FAM13A: variants seen among roughly 807,000 people sequenced by gnomAD.
The protein encoded by FAM13A is family with sequence similarity 13 member A.
FAM13A carries 76 observed loss-of-function variants against 129.6 expected under a neutral mutation model. That is an observed-to-expected ratio of 0.59 (90% CI 0.49 to 0.71). FAM13A has a LOEUF of 0.71. FAM13A is among the 30% of genes least tolerant of loss of function. The pLI is 0.00. For missense variants in FAM13A, 1,108 were observed against 1,249.3 expected, an observed-to-expected ratio of 0.89 and a Z score of 1.70; for synonymous variants, 443 against 449.9, an observed-to-expected ratio of 0.98 and a Z score of 0.20.
intron 6 of FAM13A, among the ~76,000 whole-genome samples, chr4:88,889,426 C>T (rs1176972379): frequency 1.3e-5 from 2 of 152,148 alleles, no homozygotes; most frequent in Non-Finnish European, 2.9e-5. Context: ...GTTGTAATGA[C>T]TGCTTGGTTC....
chr4:88,727,739 T>C lies in FAM13A; in HGVS notation c.*794A>G, dbSNP rs1736721782. 6.6e-6 allele frequency: 1 copy of C among 152,218 alleles called. No individual in the cohort carries two copies. Among genetic ancestry groups the C allele is most frequent in the Non-Finnish European group, 1.5e-5 (1 of 68,072 alleles). The allele number at this position is 152,218 out of a possible 1,614,324, so 9.4% of individuals were successfully genotyped here. A position where few individuals can be genotyped will look rare whatever the true frequency, so the allele number is the denominator to read the frequency against. ...GATAAAATCAGACTGGTAAGTGCAGTCAGTGTTCAGGAAAGAATCTCCAGG... is the reference window on the plus strand; with the variant it reads ...GATAAAATCAGACTGGTAAGTGCAGCCAGTGTTCAGGAAAGAATCTCCAGG... On this transcript the variant is annotated 3_prime_UTR_variant, in exon 24 of 24. Transcript: ENST00000264344.
intron 8 of FAM13A, 103 bp from the exon 9 acceptor site, chr4:88,790,730 C>T: frequency 4.5e-6 from 4 of 887,020 alleles, no homozygotes; most frequent in Non-Finnish European, 7.3e-6. Flanking sequence ...TAGCTCAGTC[C>T]CAAGTGATCC....
At chr4:88,900,000 A>G (rs1179047185) in intron 6 of FAM13A, among the ~76,000 whole-genome samples, 1 of 152,134 alleles carries the variant, frequency 6.6e-6, no homozygotes, top group East Asian at 1.9e-4. Context: ...ACAAGTATCA[A>G]TGCAGAATAG....
At position 88,726,445 on chromosome 4, in the gene FAM13A, CCT is replaced by C. The variant is rs1452037576; in HGVS notation, c.*2086_*2087del. ...CCTGAATAAATCTTTAGTTAATTTA[CCT>C]TTGGCAGAAACAACAGATTCCAAAA... On this transcript the variant is annotated 3_prime_UTR_variant, in exon 24 of 24. Coordinates refer to ENST00000264344, the MANE Select transcript of FAM13A (RefSeq NM_014883.4). The C allele has an allele frequency of 6.6e-6, 1 of 152,420 alleles. No homozygotes were observed. Among genetic ancestry groups the C allele is most frequent in the Non-Finnish European group, 1.5e-5 (1 of 68,014 alleles). The allele number at this position is 152,420 out of a possible 1,614,324, so 9.4% of individuals were successfully genotyped here. A position where few individuals can be genotyped will look rare whatever the true frequency, so the allele number is the denominator to read the frequency against.
At chr4:88,805,684 T>A (rs1036202845) in intron 7 of FAM13A, among the ~76,000 whole-genome samples, 3 of 151,740 alleles carry the variant, frequency 2.0e-5, no homozygotes, top group Non-Finnish European at 4.4e-5. Context: ...TTTTTTTTTT[T>A]AAGAGACATG....
At chr4:88,784,361 AAC>A (rs1235110232) in intron 10 of FAM13A, among the ~76,000 whole-genome samples, 1 of 152,240 alleles carries the variant, frequency 6.6e-6, no homozygotes, top group Admixed American at 6.5e-5. Context: ...CTCTGTATAA[AAC>A]ACATGGTTGT....
rs150949228 is a variant in FAM13A at position 88,876,141 on chromosome 4, TGGGATG to T, written c.844-24964_844-24959del. 4.4e-3 allele frequency among the ~76,000 whole-genome samples: 670 copies of T among 152,116 alleles called. 4 individuals are homozygous for T. The highest frequency in any genetic ancestry group is 0.015 in the African/African-American group (636 of 41,494). On this transcript the variant is annotated intron_variant, in intron 6 of 23. Coordinates refer to ENST00000264344, the MANE Select transcript of FAM13A (RefSeq NM_014883.4). The stretch of plus-strand genomic sequence containing the variant: ...GAACATCCCACACCAGGGCCTGTCC[TGGGATG>T]GGGGGCTGGGGGAGGGATAGCATTA...
In FAM13A at chr4:88,961,347, C is replaced by CTTTTTTTTTTTTTTTTT. The variant is rs773764813; in HGVS notation, c.606-23123_606-23107dup. ...AAATCCTCAGCTTTGTGGAATTTGC[C>CTTTTTTTTTTTTTTTTT]TTTTTTTTTTTTTTTTTTTTTTTTT... On this transcript the variant is annotated intron_variant, in intron 4 of 23. Transcript: ENST00000264344. 1.1e-4 allele frequency among the ~76,000 whole-genome samples: 6 copies of CTTTTTTTTTTTTTTTTT among 55,424 alleles called. 1 individual carries two copies. The highest frequency in any genetic ancestry group is 1.0e-4 in the Non-Finnish European group (3 of 29,396). The allele number at this position is 55,424 out of a possible 152,430, so 36.4% of individuals were successfully genotyped here.
intron 6 of FAM13A, among the ~76,000 whole-genome samples, chr4:88,854,172 CCTGA>C (rs1366917632): frequency 6.6e-6 from 1 of 152,106 alleles, no homozygotes; most frequent in Non-Finnish European, 1.5e-5. Flanking sequence ...TCTAGTGAAC[CCTGA>C]CTAATATAAA....
At chr4:88,894,247 A>G (rs1396974771) in intron 6 of FAM13A, among the ~76,000 whole-genome samples, 20 of 152,208 alleles carry the variant, frequency 1.3e-4, no homozygotes, top group Non-Finnish European at 1.5e-5. Context: ...TTATTCACTT[A>G]AAAATATTTG....
At chr4:88,744,221 G>C (rs1204932551) in intron 19 of FAM13A, among the ~76,000 whole-genome samples, 1 of 152,102 alleles carries the variant, frequency 6.6e-6, no homozygotes, top group Non-Finnish European at 1.5e-5. Flanking sequence ...GTTCTGATCA[G>C]GTAACCCATT....
chr4:88,829,811 G>A (rs934597140), intron 7 of FAM13A, among the ~76,000 whole-genome samples: 1 of 152,192 alleles, frequency 6.6e-6, no homozygotes, highest in African/African-American at 2.4e-5. Context: ...AACAGATGTG[G>A]AAATGAAGAA....
chr4:88,773,169 T>C (rs141201405), intron 11 of FAM13A, among the ~76,000 whole-genome samples: 5 of 152,316 alleles, frequency 3.3e-5, no homozygotes, highest in African/African-American at 1.2e-4. Flanking sequence ...CAATGGATTC[T>C]CTTGCATCGT....
At chr4:88,816,376 C>A (rs1730734872) in intron 7 of FAM13A, among the ~76,000 whole-genome samples, 1 of 152,124 alleles carries the variant, frequency 6.6e-6, no homozygotes, top group African/African-American at 2.4e-5. Context: ...ATATTCCTAG[C>A]AATTTATATG....
chr4:88,825,826 T>TGA (rs34672569), intron 7 of FAM13A, among the ~76,000 whole-genome samples: 1 of 151,188 alleles, frequency 6.6e-6, no homozygotes, highest in African/African-American at 2.4e-5. Flanking sequence ...AAAATGTCAA[T>TGA]TTTTTTAAAA....
At chr4:88,920,655 C>A (rs550942305) in intron 5 of FAM13A, among the ~76,000 whole-genome samples, 156 of 152,280 alleles carry the variant, frequency 1.0e-3, no homozygotes, top group Middle Eastern at 3.4e-3. Context: ...TCTCCTCCTC[C>A]AAAAGAACGC....
intron 1 of FAM13A, among the ~76,000 whole-genome samples, chr4:89,033,071 T>G (rs929380460): frequency 4.6e-5 from 7 of 152,200 alleles, no homozygotes; most frequent in African/African-American, 1.4e-4. Flanking sequence ...AACTTTCCAG[T>G]AAAGTTTCTT....
intron 1 of FAM13A, 135 bp downstream of exon 1, chr4:89,056,803 T>G (rs1338164956): frequency 1.2e-6 from 1 of 826,080 alleles, no homozygotes; most frequent in Non-Finnish European, 1.9e-6. Context: ...AGATAGGAAT[T>G]TAAGTAACAA....
chr4:88,752,168 C>T (rs985271163), intron 14 of FAM13A, among the ~76,000 whole-genome samples: 2 of 152,128 alleles, frequency 1.3e-5, no homozygotes, highest in Non-Finnish European at 2.9e-5. Context: ...CAGATATGTG[C>T]GCCTCACACA....
Sources: allele counts gnomAD v4.1 joint callset (sites outside exome capture counted in the v4.1 genomes callset), GRCh38; gene constraint gnomAD v4.1.1; transcripts MANE v1.5; gene names NCBI Gene and HGNC (gene_info 2026-07-23, HGNC 2026-07-21).